COA1: variants seen among roughly 807,000 people sequenced by gnomAD.
COA1 encodes cytochrome c oxidase assembly factor 1, also known as cytochrome c oxidase assembly factor 1 homolog.
COA1 carries 13 observed loss-of-function variants against 16.0 expected under a neutral mutation model. The ratio of observed to expected loss-of-function variants is 0.81; its 90% CI spans 0.53 to 1.29. The LOEUF (loss-of-function observed/expected upper bound fraction) is 1.29. Among genes scored for constraint, COA1 ranks in the 50% most tolerant of loss-of-function variants. The probability of loss-of-function intolerance (pLI) is 0.00; values close to 1 mark genes in which losing one functional copy is unlikely to be tolerated. For missense variants in COA1, 179 were observed against 177.0 expected (o/e 1.01, Z -0.06); for synonymous variants, 65 against 65.7 (o/e 0.99, Z 0.05).
At chr7:43,682,689 A>C (rs933811503) in intron 1 of COA1, among the ~76,000 whole-genome samples, 5 of 152,164 alleles carry the variant, frequency 3.3e-5, no homozygotes, top group African/African-American at 9.7e-5. Context: ...TACTCTATCG[A>C]GTAAACACAG....
intron 6 of COA1, chr7:43,622,399 TTGAG>T (rs1321703253): frequency 6.6e-6 from 1 of 152,230 alleles, no homozygotes; most frequent in Non-Finnish European, 1.5e-5. Context: ...ATACATGACC[TTGAG>T]TATTTCGTTT....
intron 1 of COA1, among the ~76,000 whole-genome samples, chr7:43,721,756 A>G (rs887924186): frequency 6.6e-6 from 1 of 152,120 alleles, no homozygotes; most frequent in African/African-American, 2.4e-5. Flanking sequence ...TTATAATATA[A>G]AAAGTTTATT....
chr7:43,648,399 G>A (rs143959045), intron 2 of COA1: 9,286 of 682,246 alleles, frequency 0.014, 95 homozygotes, highest in Non-Finnish European at 0.018. Context: ...AGCTTCCAAC[G>A]CCAGCATGAG....
intron 1 of COA1, among the ~76,000 whole-genome samples, chr7:43,713,367 T>C (rs1387156539): frequency 2.0e-5 from 3 of 152,190 alleles, no homozygotes; most frequent in Non-Finnish European, 4.4e-5. Flanking sequence ...TTCTAGCAAT[T>C]TTGCTACAAT....
At chr7:43,626,702 T>C (rs998680986) in intron 6 of COA1, 4 of 152,230 alleles carry the variant, frequency 2.6e-5, no homozygotes, top group African/African-American at 9.6e-5. Flanking sequence ...TTGTACTTGA[T>C]GGATCTGTCA....
intron 1 of COA1, among the ~76,000 whole-genome samples, chr7:43,708,634 C>T (rs2095092678): frequency 6.6e-6 from 1 of 152,056 alleles, no homozygotes; most frequent in Admixed American, 6.6e-5. Flanking sequence ...TTTTTACTGG[C>T]CACTTGGATA....
At chr7:43,708,204 A>C (rs1355577110) in intron 1 of COA1, among the ~76,000 whole-genome samples, 1 of 151,742 alleles carries the variant, frequency 6.6e-6, no homozygotes, top group African/African-American at 2.4e-5. Context: ...ACTCCGTCTC[A>C]AAAAAAAAGT....
intron 6 of COA1, chr7:43,623,114 G>A (rs1401713183): frequency 6.5e-6 from 1 of 153,524 alleles, no homozygotes; most frequent in Non-Finnish European, 1.4e-5. Context: ...GTTTTAAAAA[G>A]CTCACTCTGA....
rs182354903 is a variant in COA1 at position 43,611,345 on chromosome 7, T to C, written c.*134-1850A>G. Among the ~76,000 whole-genome samples, 4 of 152,350 alleles carry C rather than the reference T, an allele frequency of 2.6e-5. No homozygotes were observed. In the East Asian group the frequency reaches 5.8e-4, roughly 22 times the overall value. ...CCAATGTAAATTCATTTTATACACA[T>C]TTATCTTTTCTCAAAGATATTAATT... On this transcript the variant is annotated intron_variant and NMD_transcript_variant, in intron 6 of 6. Coordinates refer to the COA1 transcript ENST00000415076.
intron 1 of COA1, among the ~76,000 whole-genome samples, chr7:43,683,418 G>A (rs1044015768): frequency 6.6e-6 from 1 of 152,014 alleles, no homozygotes; most frequent in Non-Finnish European, 1.5e-5. Context: ...GGATCACGAG[G>A]TCAGGAGATC....
chr7:43,669,324 C>A (rs1283380015), intron 1 of COA1, among the ~76,000 whole-genome samples: 1 of 152,192 alleles, frequency 6.6e-6, no homozygotes, highest in Middle Eastern at 3.4e-3. Flanking sequence ...TCTAGCAAAC[C>A]CCAGCTCTTA....
At position 43,639,487 on chromosome 7, in the gene COA1, G is replaced by T; in HGVS notation, c.*95C>A. ...GTGGCTGGAAAACTGGGTTGCAGGA[G>T]TGTCTGTCACTGAGATGGGCCACCA... On this transcript the variant is annotated 3_prime_UTR_variant, in exon 6 of 6. Coordinates refer to ENST00000223336, the MANE Select transcript of COA1 (RefSeq NM_018224.4). 1 of 939,084 alleles carries T rather than the reference G, an allele frequency of 1.1e-6. No homozygotes were observed. The highest frequency in any genetic ancestry group is 1.7e-6 in the Non-Finnish European group (1 of 585,978). 58.2% of individuals were successfully genotyped at this position (939,084 alleles called of 1,614,324 possible). A position where few individuals can be genotyped will look rare whatever the true frequency, so the allele number is the denominator to read the frequency against.
At chr7:43,624,935 G>A in intron 6 of COA1, 1 of 1,124,824 alleles carries the variant, frequency 8.9e-7, no homozygotes, top group Middle Eastern at 3.0e-4. Context: ...TACTGGAAGT[G>A]GATAACCAGT....
intron 4 of COA1, among the ~76,000 whole-genome samples, chr7:43,644,752 AGATAGATAGGCAGGCAG>A (rs2088472447): frequency 1.1e-5 from 1 of 89,716 alleles, no homozygotes; most frequent in Non-Finnish European, 2.5e-5. Context: ...ATAGATAGAT[AGATAGATAGGCAGGCAG>A]GCAGGCAGGC....
chr7:43,701,287 GC>G (rs1459529387), intron 1 of COA1, among the ~76,000 whole-genome samples: 1 of 152,010 alleles, frequency 6.6e-6, no homozygotes, highest in Non-Finnish European at 1.5e-5. Flanking sequence ...TCCATCAACA[GC>G]CCCAGTGTCT....
intron 1 of COA1, among the ~76,000 whole-genome samples, chr7:43,682,962 C>T (rs866834916): frequency 3.3e-5 from 5 of 152,256 alleles, no homozygotes; most frequent in Middle Eastern, 3.4e-3. Flanking sequence ...TGATCTTGTG[C>T]CTCAGCCTCC....
chr7:43,717,696 G>T (rs183181258), intron 1 of COA1, among the ~76,000 whole-genome samples: 3 of 152,130 alleles, frequency 2.0e-5, no homozygotes, highest in South Asian at 4.1e-4. Context: ...CAGGGGCCGG[G>T]GGGGGAACAA....
At chr7:43,647,655 A>C (rs1481101970) in intron 2 of COA1, 21 bp from the exon 3 acceptor site, 1 of 1,577,870 alleles carries the variant, frequency 6.3e-7, no homozygotes, top group Non-Finnish European at 8.7e-7. Context: ...AAAGATACAA[A>C]TTTATTGTAG....
chr7:43,647,517 G>A lies in COA1; in HGVS notation c.115+18C>T, dbSNP rs1047732739. 1.6e-5 allele frequency: 25 copies of A among 1,571,660 alleles called. No homozygotes were observed. In the African/African-American group the frequency reaches 1.8e-4, roughly 11 times the overall value. On this transcript the variant is annotated intron_variant, in intron 3 of 5. Transcript: ENST00000223336. The stretch of plus-strand genomic sequence containing the variant: ...GCTAGGAGGAGGTCAGGCCGCAGGC[G>A]GCTAGCAGGATACTTACTTTGAATG...
Sources: allele counts gnomAD v4.1 joint callset (sites outside exome capture counted in the v4.1 genomes callset), GRCh38; gene constraint gnomAD v4.1.1; transcripts MANE v1.5; gene names NCBI Gene and HGNC (gene_info 2026-07-23, HGNC 2026-07-21).